The following GRXCR1 variants were observed in gnomAD, a reference collection of about 807,000 sequenced individuals.
GRXCR1 encodes the protein glutaredoxin and cysteine rich domain containing 1.
A neutral mutation model predicts 27.3 loss-of-function variants in GRXCR1; 27 were observed. The observed-to-expected ratio is 0.99, with a 90% CI of 0.73 to 1.37. The LOEUF is 1.37. GRXCR1 is among the 40% of genes most tolerant of loss of function. The probability of loss-of-function intolerance (pLI) is 0.00; values close to 1 mark genes in which losing one functional copy is unlikely to be tolerated. For missense variants in GRXCR1, 379 were observed against 354.4 expected (o/e 1.07, Z -0.56); for synonymous variants, 122 against 131.1 (o/e 0.93, Z 0.47).
intron 1 of GRXCR1, among the ~76,000 whole-genome samples, chr4:42,949,684 T>G (rs1747835484): frequency 6.6e-6 from 1 of 152,128 alleles, no homozygotes; most frequent in African/African-American, 2.4e-5. Context: ...CAACCAAGCT[T>G]TCATAAATGG....
chr4:42,980,868 A>G (rs1211579547), intron 2 of GRXCR1, among the ~76,000 whole-genome samples: 3 of 151,786 alleles, frequency 2.0e-5, no homozygotes, highest in Non-Finnish European at 4.4e-5. Context: ...TTCATCAAAA[A>G]TCTTTCAATA....
At chr4:42,932,601 T>TCCCTTCC (rs1747345502) in intron 1 of GRXCR1, among the ~76,000 whole-genome samples, 1 of 59,168 alleles carries the variant, frequency 1.7e-5, no homozygotes, top group Admixed American at 2.1e-4. Flanking sequence ...TATATATATA[T>TCCCTTCC]ATATATATAT....
At chr4:42,907,897 A>T (rs966733351) in intron 1 of GRXCR1, among the ~76,000 whole-genome samples, 6 of 152,182 alleles carry the variant, frequency 3.9e-5, no homozygotes, top group African/African-American at 1.4e-4. Flanking sequence ...CATGTGAGTG[A>T]CTGGGAGTAA....
At chr4:43,014,690 G>T (rs1342653842) in intron 2 of GRXCR1, among the ~76,000 whole-genome samples, 1 of 152,026 alleles carries the variant, frequency 6.6e-6, no homozygotes, top group Non-Finnish European at 1.5e-5. Context: ...ACATCAGCTT[G>T]GTCCCTACCA....
intron 3 of GRXCR1, among the ~76,000 whole-genome samples, chr4:43,022,297 C>T (rs1470748972): frequency 4.6e-5 from 7 of 152,090 alleles, no homozygotes; most frequent in African/African-American, 1.7e-4. Flanking sequence ...TCCTTAATTG[C>T]TTTTCTTTGT....
At chr4:42,986,996 A>ATGTGTGTGTG (rs1160821665) in intron 2 of GRXCR1, among the ~76,000 whole-genome samples, 1 of 113,014 alleles carries the variant, frequency 8.8e-6, no homozygotes, top group Non-Finnish European at 1.8e-5. Flanking sequence ...TTTAAGAGAT[A>ATGTGTGTGTG]TGTGTATGTG....
chr4:42,985,304 A>C (rs1402683937), intron 2 of GRXCR1, among the ~76,000 whole-genome samples: 1 of 152,228 alleles, frequency 6.6e-6, no homozygotes, highest in Non-Finnish European at 1.5e-5. Flanking sequence ...GAAAAAATGT[A>C]TAATCTGTGT....
At chr4:43,006,297 CA>C in intron 2 of GRXCR1, among the ~76,000 whole-genome samples, 1 of 152,160 alleles carries the variant, frequency 6.6e-6, no homozygotes, top group South Asian at 2.1e-4. Context: ...AGCAATTGTT[CA>C]GGGAATAAGA....
intron 1 of GRXCR1, among the ~76,000 whole-genome samples, chr4:42,951,401 A>G (rs1747879759): frequency 6.6e-6 from 1 of 152,160 alleles, no homozygotes; most frequent in Non-Finnish European, 1.5e-5. Flanking sequence ...CATAACATTA[A>G]CCATCACAGC....
intron 3 of GRXCR1, among the ~76,000 whole-genome samples, chr4:43,024,648 T>C (rs1199251706): frequency 1.3e-5 from 2 of 152,214 alleles, no homozygotes; most frequent in African/African-American, 2.4e-5. Flanking sequence ...TTTTGTTCAG[T>C]GGCTTCTTTC....
intron 1 of GRXCR1, among the ~76,000 whole-genome samples, chr4:42,928,436 T>G (rs1747222152): frequency 6.6e-6 from 1 of 151,996 alleles, no homozygotes; most frequent in Admixed American, 6.6e-5. Context: ...AATGGTCTTC[T>G]GCCTCCCCAG....
chr4:42,998,416 G>A (rs1005887772), intron 2 of GRXCR1, among the ~76,000 whole-genome samples: 1 of 152,124 alleles, frequency 6.6e-6, no homozygotes, highest in Non-Finnish European at 1.5e-5. Flanking sequence ...TAATTAAGTA[G>A]AGTATAAATA....
intron 1 of GRXCR1, among the ~76,000 whole-genome samples, chr4:42,959,305 G>A (rs1319801585): frequency 6.6e-6 from 1 of 151,888 alleles, no homozygotes; most frequent in Non-Finnish European, 1.5e-5. Flanking sequence ...ATTATGCTAA[G>A]TGAAATAAGC....
Position 42,893,233 on chromosome 4 carries a change from A to G in GRXCR1, c.-34A>G. 1 of 1,612,898 alleles carries G rather than the reference A, an allele frequency of 6.2e-7. No individual in the cohort carries two copies. Among genetic ancestry groups the G allele is most frequent in the East Asian group, 2.2e-5 (1 of 44,810 alleles). The stretch of plus-strand genomic sequence containing the variant: ...CTAGTGCAGTAACAACGGGTCCAGA[A>G]TGCTGTAAACTGTTCATATGGGTGG... On this transcript the variant is annotated 5_prime_UTR_variant, in exon 1 of 4. An upstream start codon of the reference 5' UTR is lost. Transcript: ENST00000399770.
intron 3 of GRXCR1, among the ~76,000 whole-genome samples, chr4:43,023,875 A>T (rs999104115): frequency 6.6e-6 from 1 of 152,230 alleles, no homozygotes; most frequent in Non-Finnish European, 1.5e-5. Context: ...GAAAGGATGA[A>T]TGAAACCACC....
Position 43,030,553 on chromosome 4 carries a change from C to G in GRXCR1, c.*13C>G, listed in dbSNP as rs368464416. ...CTGTGCTGGTTAATTGGAGCTTCTA[C>G]CCAGGAAAAACCTCATTTTATTAAT... On this transcript the variant is annotated 3_prime_UTR_variant, in exon 4 of 4. Transcript: ENST00000399770. 1.3e-5 allele frequency: 21 copies of G among 1,611,510 alleles called. No homozygotes were observed. In the African/African-American group the frequency reaches 2.0e-4, roughly 15 times the overall value.
At chr4:42,944,219 A>G (rs927702812) in intron 1 of GRXCR1, among the ~76,000 whole-genome samples, 1 of 152,084 alleles carries the variant, frequency 6.6e-6, no homozygotes, top group Non-Finnish European at 1.5e-5. Flanking sequence ...AACCAAAGGG[A>G]AGATCAGAGA....
At chr4:42,942,175 A>T (rs1213849174) in intron 1 of GRXCR1, among the ~76,000 whole-genome samples, 1 of 152,092 alleles carries the variant, frequency 6.6e-6, no homozygotes, top group Admixed American at 6.6e-5. Context: ...AAAATGCAAG[A>T]GGAAGAAATG....
At chr4:42,920,452 T>C (rs758271853) in intron 1 of GRXCR1, among the ~76,000 whole-genome samples, 6 of 152,082 alleles carry the variant, frequency 3.9e-5, no homozygotes, top group Non-Finnish European at 8.8e-5. Context: ...GAAATAACGA[T>C]ATATAAGTTG....
Sources: allele counts gnomAD v4.1 joint callset (sites outside exome capture counted in the v4.1 genomes callset), GRCh38; gene constraint gnomAD v4.1.1; transcripts MANE v1.5; gene names NCBI Gene and HGNC (gene_info 2026-07-23, HGNC 2026-07-21).